SGSH: variants seen among roughly 807,000 people sequenced by gnomAD.
SGSH encodes the protein N-sulfoglucosamine sulfohydrolase, also known as heparan sulfate sulfatase.
Under a neutral mutation model 51.0 loss-of-function variants are expected in SGSH, and 48 were observed. The ratio of observed to expected loss-of-function variants is 0.94; its 90% CI spans 0.75 to 1.20. The LOEUF (loss-of-function observed/expected upper bound fraction) is 1.20, where lower values mean the gene tolerates loss of function less well. Among genes scored for constraint, SGSH ranks in the 50% most tolerant of loss-of-function variants. The pLI, the probability that SGSH is intolerant of heterozygous loss-of-function variation, is 0.00. For missense variants in SGSH, 662 were observed against 717.8 expected, an observed-to-expected ratio of 0.92 and a Z score of 0.89; for synonymous variants, 321 against 313.4, an observed-to-expected ratio of 1.02 and a Z score of -0.26.
At chr17:80,215,007 C>A (rs2041834144) in intron 3 of SGSH, 26 bp downstream of exon 3, 2 of 1,590,856 alleles carry the variant, frequency 1.3e-6, no homozygotes, top group African/African-American at 1.3e-5. Context: ...TCACCCCACG[C>A]CCTGTCCTCG....
chr17:80,216,819 G>A, intron 2 of SGSH: 1 of 590,930 alleles, frequency 1.7e-6, no homozygotes, highest in Non-Finnish European at 3.0e-6. Context: ...ACTTGCTCAA[G>A]GCCACACACA....
At chr17:80,204,733 G>T, downstream of SGSH, 1 of 421,332 alleles carries the variant, frequency 2.4e-6, no homozygotes, top group Non-Finnish European at 4.2e-6. Flanking sequence ...AGATCCTTTG[G>T]AAGGAAGAAA....
downstream of SGSH, chr17:80,205,428 C>T (rs1287079445): frequency 6.8e-7 from 1 of 1,463,820 alleles, no homozygotes; most frequent in African/African-American, 1.4e-5. Flanking sequence ...AAGAGCTTCT[C>T]CCAGTGCTGG....
chr17:80,205,727 T>TA, downstream of SGSH: 3 of 1,320,770 alleles, frequency 2.3e-6, no homozygotes, highest in African/African-American at 1.5e-5. Context: ...GGGGATGAGA[T>TA]AAAGGTACAG....
chr17:80,211,879 A>G (rs1598741796), intron 7 of SGSH, 192 bp downstream of exon 7: 1 of 639,194 alleles, frequency 1.6e-6, no homozygotes, highest in Non-Finnish European at 2.8e-6. Context: ...CAGCTGTGCA[A>G]TCCTGAGCAG....
chr17:80,204,534 G>A, downstream of SGSH: 1 of 511,352 alleles, frequency 2.0e-6, no homozygotes, highest in Non-Finnish European at 3.4e-6. Flanking sequence ...TGAGGCAGGA[G>A]AATCGCCTGA....
chr17:80,201,922 C>A (rs2040998917), downstream of SGSH: 1 of 1,550,094 alleles, frequency 6.5e-7, no homozygotes, highest in Middle Eastern at 2.0e-4. The surrounding 1 kb of genome is among the most constrained non-coding windows in gnomAD (Gnocchi z 5.0). Flanking sequence ...GACTCCATGA[C>A]CCTTAAGTCC....
At chr17:80,201,039 G>C in the SGSH span, 3 of 152,544 alleles carry the variant, frequency 2.0e-5, no homozygotes, top group East Asian at 5.8e-4. This position sits in a 1 kb window ranked among gnomAD's most constrained non-coding sequence, Gnocchi z 5.0. Context: ...GTGGCCCAGG[G>C]GTTGGGGAAC....
downstream of SGSH, chr17:80,202,648 T>C (rs2041047795): frequency 7.3e-7 from 1 of 1,377,738 alleles, no homozygotes; most frequent in Non-Finnish European, 9.4e-7. Flanking sequence ...AGATCTGGGT[T>C]TCTTAGCTCT....
At chr17:80,216,907 G>T in intron 2 of SGSH, 125 bp downstream of exon 2, 1 of 921,492 alleles carries the variant, frequency 1.1e-6, no homozygotes, top group Non-Finnish European at 1.6e-6. Context: ...TCCTCCTGGA[G>T]GTGGGAGGGA....
At position 80,210,959 on chromosome 17, in the gene SGSH, G is replaced by A. The variant is rs145596938; in HGVS notation, c.1002C>T (p.Ala334=). 1,423 of 1,602,278 alleles carry A rather than the reference G, an allele frequency of 8.9e-4. 16 individuals are homozygous for A. Among genetic ancestry groups the A allele is most frequent in the Middle Eastern group, 9.9e-4 (6 of 6,060 alleles). Residue 334 remains alanine, a synonymous_variant, in exon 8 of 8, where the codon GCC becomes GCT. Transcript: ENST00000326317. The part of the protein sequence containing the change: ...DWFSIPYPSY[A]IFGSKTIHLT... ...GGTGGATGGTCTTCGAGCCAAAGAT[G>A]GCGTAGCTGGGGTACGGGATCGAGA... is the stretch of plus-strand genomic sequence containing the variant.
chr17:80,209,762 A>G lies in SGSH; in HGVS notation c.*690T>C. 1 of 985,684 alleles carries G rather than the reference A, an allele frequency of 1.0e-6. No homozygotes were observed. The highest frequency in any genetic ancestry group is 1.2e-6 in the Non-Finnish European group (1 of 830,124). 61.1% of individuals were successfully genotyped at this position (985,684 alleles called of 1,614,324 possible). A position where few individuals can be genotyped will look rare whatever the true frequency, so the allele number is the denominator to read the frequency against. On this transcript the variant is annotated 3_prime_UTR_variant, in exon 8 of 8. Coordinates refer to ENST00000326317, the MANE Select transcript of SGSH (RefSeq NM_000199.5). ...ATGCCTTCATCTTCGGACACTCTCA[A>G]AAAAGATAAGCTTCTGCCCAGAAAC...
chr17:80,202,365 A>G (rs769617562), downstream of SGSH: 16 of 1,613,222 alleles, frequency 9.9e-6, no homozygotes, highest in Non-Finnish European at 1.4e-5. Context: ...CCACCGCGTG[A>G]ACTCTTACAC....
chr17:80,209,270 C>T, downstream of SGSH: 1 of 969,010 alleles, frequency 1.0e-6, no homozygotes, highest in Non-Finnish European at 1.2e-6. Flanking sequence ...TTGGTATCAT[C>T]ATAAATGAGT....
chr17:80,210,751 CGTA>C lies in SGSH; in HGVS notation c.1207_1209del (p.Tyr403del). 6.2e-7 allele frequency: 1 copy of C among 1,613,994 alleles called. No homozygotes were observed. ...AGGAGGTCCTGGAAGGTGGGTGAGA[CGTA>C]GAAGTCCTGGTCGATGGGAAAGGGC... On this transcript the variant is annotated inframe_deletion, in exon 8 of 8. Transcript: ENST00000326317.
At chr17:80,214,517 T>C (rs2041810138) in intron 4 of SGSH, 98 bp downstream of exon 4, 1 of 1,385,360 alleles carries the variant, frequency 7.2e-7, no homozygotes, top group Admixed American at 2.0e-5. Flanking sequence ...CCTGCCCCCA[T>C]TCGAGCCACG....
Position 80,212,344 on chromosome 17 carries a change from AC to A in SGSH, c.746-71del. 2 of 1,334,554 alleles carry A rather than the reference AC, an allele frequency of 1.5e-6. No individual in the cohort carries two copies. The highest frequency in any genetic ancestry group is 2.1e-6 in the Non-Finnish European group (2 of 950,780). The allele number at this position is 1,334,554 out of a possible 1,614,324, so 82.7% of individuals were successfully genotyped here. A position where few individuals can be genotyped will look rare whatever the true frequency, so the allele number is the denominator to read the frequency against. ...GGGAGGCAGCGGGTGGTGTGTGTAG[AC>A]CCACCTGCTGCTGCATCCGGCCGCT... On this transcript the variant is annotated intron_variant, in intron 6 of 7. Transcript: ENST00000326317. The surrounding 1 kb of genome is among the most constrained non-coding windows in gnomAD (Gnocchi z 5.9).
chr17:80,204,936 G>A (rs916096174), downstream of SGSH: 45 of 1,005,214 alleles, frequency 4.5e-5, no homozygotes, highest in Non-Finnish European at 5.4e-5. Context: ...TGCTGGGGCT[G>A]CTGCAGTGAG....
chr17:80,201,583 A>G, the SGSH span: 1 of 724,334 alleles, frequency 1.4e-6, no homozygotes, highest in Non-Finnish European at 2.4e-6. This position sits in a 1 kb window ranked among gnomAD's most constrained non-coding sequence, Gnocchi z 5.0. Flanking sequence ...AAGGCCCCAC[A>G]GAGGCTCTGG....
Sources: gnomAD v4.1 joint callset for allele counts on GRCh38, gnomAD v4.1.1 for gene constraint, Gnocchi (gnomAD v3.1) non-coding constraint, MANE v1.5 for transcripts, NCBI Gene and HGNC (gene_info 2026-07-23, HGNC 2026-07-21) for gene names.